The following CACNA1D variants were observed in gnomAD, a reference collection of about 807,000 sequenced individuals.
CACNA1D encodes the protein calcium voltage-gated channel subunit alpha1 D.
Under a neutral mutation model 257.1 loss-of-function variants are expected in CACNA1D, and 55 were observed. That is an observed-to-expected ratio of 0.21 (90% confidence interval 0.17 to 0.27). The LOEUF (loss-of-function observed/expected upper bound fraction) is 0.27. CACNA1D is among the 10% of genes least tolerant of loss of function. The pLI is 1.00. For missense variants in CACNA1D, 1,876 were observed against 2,784.0 expected (o/e 0.67, Z 7.34); for synonymous variants, 980 against 1,014.9 (o/e 0.97, Z 0.65).
At chr3:53,772,937 T>G (rs1317839478) in intron 33 of CACNA1D, 39 bp downstream of exon 33, 1 of 1,543,094 alleles carries the variant, frequency 6.5e-7, no homozygotes, top group South Asian at 1.1e-5. Context: ...GCCCTTTCAC[T>G]GGGTAGCCCC....
At chr3:53,702,853 T>A in intron 9 of CACNA1D, 43 bp downstream of exon 9, 1 of 1,610,706 alleles carries the variant, frequency 6.2e-7, no homozygotes, top group Non-Finnish European at 8.5e-7. Context: ...AGACCCAGTG[T>A]GCGGTTCAGA....
intron 28 of CACNA1D, among the ~76,000 whole-genome samples, chr3:53,752,116 A>G (rs909414678): frequency 1.3e-5 from 2 of 152,186 alleles, no homozygotes; most frequent in East Asian, 1.9e-4. Flanking sequence ...TTATCCGTAC[A>G]GCATGATGGT....
intron 37 of CACNA1D, among the ~76,000 whole-genome samples, chr3:53,779,803 G>A (rs1361791651): frequency 2.0e-5 from 3 of 151,936 alleles, no homozygotes; most frequent in South Asian, 2.1e-4. Context: ...AAAAACCCTC[G>A]CAGACACACC....
At chr3:53,678,403 A>G (rs997778937) in intron 8 of CACNA1D, among the ~76,000 whole-genome samples, 3 of 152,236 alleles carry the variant, frequency 2.0e-5, no homozygotes, top group Non-Finnish European at 4.4e-5. Flanking sequence ...TAAATTCAAA[A>G]TCATACCAAT....
chr3:53,809,691 T>C, intron 46 of CACNA1D: 1 of 484,836 alleles, frequency 2.1e-6, no homozygotes, highest in Non-Finnish European at 3.8e-6. Flanking sequence ...TGGGCTTCCC[T>C]GATTCTTCAT....
chr3:53,517,715 C>T (rs1025487997), intron 3 of CACNA1D, among the ~76,000 whole-genome samples: 2 of 152,136 alleles, frequency 1.3e-5, no homozygotes, highest in African/African-American at 4.8e-5. Context: ...AACTCCTGAC[C>T]TTGTGATCCA....
At position 53,789,171 on chromosome 3, in the gene CACNA1D, A is replaced by G. The variant is rs985855455; in HGVS notation, c.4923+2219A>G. On this transcript the variant is annotated intron_variant, in intron 40 of 47. Coordinates refer to ENST00000350061, the MANE Select transcript of CACNA1D (RefSeq NM_001128840.3). This position sits in a 1 kb window ranked among gnomAD's most constrained non-coding sequence, Gnocchi z 4.2. ...TTTATTGTTTATAGAGTTTCATTTT[A>G]TTGATGAAATGCAAACATTTCCAGT... Among the ~76,000 whole-genome samples, 2 of 152,176 alleles carry G rather than the reference A, an allele frequency of 1.3e-5. No homozygotes were observed. The highest frequency in any genetic ancestry group is 4.8e-5 in the African/African-American group (2 of 41,428).
intron 26 of CACNA1D, 39 bp downstream of exon 26, chr3:53,747,487 T>C: frequency 6.2e-7 from 1 of 1,608,558 alleles, no homozygotes; most frequent in Non-Finnish European, 8.5e-7. Flanking sequence ...GAGAGGCACC[T>C]GCGTGCCCAG....
rs1342629427 is a variant in CACNA1D at position 53,812,565 on chromosome 3, G to GGT, written c.*1159_*1160insGT. The GGT allele has an allele frequency of 1.9e-4, 25 of 128,554 alleles. No homozygotes were observed. Among genetic ancestry groups the GGT allele is most frequent in the African/African-American group, 9.2e-4 (25 of 27,316 alleles). 8.0% of individuals were successfully genotyped at this position (128,554 alleles called of 1,614,324 possible). The stretch of plus-strand genomic sequence containing the variant: ...ATGGGTTGCAACTGTCTTTGGTTTT[G>GGT]TTTGTTTGACTTGAACCACCCTCTG... On this transcript the variant is annotated 3_prime_UTR_variant, in exon 48 of 48. Transcript: ENST00000350061.
At chr3:53,531,120 G>A (rs1007084602) in intron 3 of CACNA1D, among the ~76,000 whole-genome samples, 1 of 150,868 alleles carries the variant, frequency 6.6e-6, no homozygotes, top group Admixed American at 6.6e-5. Context: ...GCCTCCCACT[G>A]GGATTATAGG....
At position 53,727,290 on chromosome 3, in the gene CACNA1D, C is replaced by T. The variant is rs58374233; in HGVS notation, c.2221+291C>T. Among the ~76,000 whole-genome samples the T allele has an allele frequency of 0.018, 2,807 of 152,320 alleles. 85 individuals are homozygous for T. The highest frequency in any genetic ancestry group is 0.063 in the African/African-American group (2,610 of 41,568). ...TCCCAGAGGTCACTCAGTTTGGCAT[C>T]ATGTCTCCTGTACAGGTCCCGAGGG... On this transcript the variant is annotated intron_variant, in intron 15 of 47. Coordinates refer to ENST00000350061, the MANE Select transcript of CACNA1D (RefSeq NM_001128840.3).
rs1424651707 is a variant in CACNA1D at position 53,793,109 on chromosome 3, A to G, written c.4923+6157A>G. On this transcript the variant is annotated intron_variant, in intron 40 of 47. Transcript: ENST00000350061. This position sits in a 1 kb window ranked among gnomAD's most constrained non-coding sequence, Gnocchi z 4.1. Reference sequence around the variant, plus strand: ...GCTGCACCTGGTATCAACCGCTGTTACCCTAGCACCTGAGTCTCCTTCCCC... The same window carrying G: ...GCTGCACCTGGTATCAACCGCTGTTGCCCTAGCACCTGAGTCTCCTTCCCC... Among the ~76,000 whole-genome samples the G allele has an allele frequency of 1.3e-5, 2 of 152,056 alleles. No homozygotes were observed. The highest frequency in any genetic ancestry group is 4.8e-5 in the African/African-American group (2 of 41,386).
At chr3:53,576,341 G>T (rs1421788321) in intron 3 of CACNA1D, among the ~76,000 whole-genome samples, 1 of 152,180 alleles carries the variant, frequency 6.6e-6, no homozygotes, top group African/African-American at 2.4e-5. Context: ...TCTGGTGAGT[G>T]TTATCCTCCG....
At chr3:53,728,086 C>T (rs2108748038) in intron 15 of CACNA1D, among the ~76,000 whole-genome samples, 1 of 152,144 alleles carries the variant, frequency 6.6e-6, no homozygotes, top group Admixed American at 6.5e-5. Context: ...AGATTTTATC[C>T]ACGTCTCTTA....
chr3:53,550,391 C>T (rs1390674902), intron 3 of CACNA1D, among the ~76,000 whole-genome samples: 1 of 152,206 alleles, frequency 6.6e-6, no homozygotes. Context: ...ACTCCCTCAG[C>T]ACCATCTCGC....
chr3:53,732,209 C>T, intron 18 of CACNA1D, 127 bp downstream of exon 18: 3 of 746,154 alleles, frequency 4.0e-6, no homozygotes, highest in South Asian at 1.4e-5. Context: ...CCACCAAGGC[C>T]GTGGGACCAG....
At chr3:53,619,194 C>A (rs1033535146) in intron 3 of CACNA1D, among the ~76,000 whole-genome samples, 1 of 152,184 alleles carries the variant, frequency 6.6e-6, no homozygotes, top group Middle Eastern at 3.2e-3. Context: ...CACTCCCAAG[C>A]CTTGCCCAGG....
At chr3:53,763,311 T>C (rs925589800) in intron 30 of CACNA1D, among the ~76,000 whole-genome samples, 2 of 152,194 alleles carry the variant, frequency 1.3e-5, no homozygotes, top group African/African-American at 4.8e-5. Flanking sequence ...GCATTGTAGA[T>C]GGAGTGAACC....
intron 37 of CACNA1D, among the ~76,000 whole-genome samples, chr3:53,779,481 G>A (rs1332529539): frequency 1.3e-5 from 2 of 151,986 alleles, no homozygotes; most frequent in Non-Finnish European, 2.9e-5. Flanking sequence ...GTTTATCATG[G>A]GGAATTGGCT....
Sources: gnomAD v4.1 joint callset for allele counts (sites outside exome capture counted in the v4.1 genomes callset) on GRCh38, gnomAD v4.1.1 for gene constraint, Gnocchi (gnomAD v3.1) non-coding constraint, MANE v1.5 for transcripts, NCBI Gene and HGNC (gene_info 2026-07-23, HGNC 2026-07-21) for gene names.